The following DPP6 variants were observed in gnomAD, a reference collection of about 807,000 sequenced individuals.
DPP6 encodes dipeptidyl peptidase like 6.
A neutral mutation model predicts 122.6 loss-of-function variants in DPP6; 69 were observed. That is an observed-to-expected ratio of 0.56 (90% CI 0.46 to 0.69). The LOEUF (loss-of-function observed/expected upper bound fraction) is 0.69. Ranked by LOEUF, DPP6 falls within the 30% of genes least tolerant of loss-of-function variation. The pLI is 0.00. For missense variants in DPP6, 928 were observed against 1,116.9 expected (o/e 0.83, Z 2.41); for synonymous variants, 418 against 433.1 (o/e 0.97, Z 0.43).
chr7:154,202,874 A>AT (rs1383514315), intron 1 of DPP6, among the ~76,000 whole-genome samples: 3 of 152,114 alleles, frequency 2.0e-5, no homozygotes, highest in Non-Finnish European at 4.4e-5. Context: ...TAGGCCTTTA[A>AT]TTTTTTTCCA....
intron 1 of DPP6, among the ~76,000 whole-genome samples, chr7:154,193,298 A>T (rs982627211): frequency 1.3e-5 from 2 of 152,222 alleles, no homozygotes; most frequent in Non-Finnish European, 2.9e-5. Context: ...AAAAAACAGC[A>T]TTCTCGTGTG....
intron 1 of DPP6, among the ~76,000 whole-genome samples, chr7:154,391,846 G>A (rs901193775): frequency 1.3e-5 from 2 of 152,136 alleles, no homozygotes; most frequent in African/African-American, 2.4e-5. Context: ...TTTAGGTCTC[G>A]GAGATCAGTG....
intron 1 of DPP6, among the ~76,000 whole-genome samples, chr7:154,288,943 A>G (rs960302175): frequency 4.6e-5 from 7 of 152,246 alleles, no homozygotes; most frequent in Admixed American, 2.6e-4. Flanking sequence ...AGACTCTGCC[A>G]TCCTGAGATT....
At chr7:153,937,157 G>C (rs1801486060) in intron 1 of DPP6, among the ~76,000 whole-genome samples, 1 of 152,124 alleles carries the variant, frequency 6.6e-6, no homozygotes, top group Non-Finnish European at 1.5e-5. Flanking sequence ...AAAGTAGTCT[G>C]GTCTCAAGTT....
chr7:154,892,326 C>T lies in DPP6; in HGVS notation c.2452-8C>T, dbSNP rs1435057992. 11 of 1,613,894 alleles carry T rather than the reference C, an allele frequency of 6.8e-6. No individual in the cohort carries two copies. The highest frequency in any genetic ancestry group is 9.3e-6 in the Non-Finnish European group (11 of 1,179,896). Reference sequence around the variant, plus strand: ...TGGGAGAGTAATTTCTCCGTGCCTTCCTTGCAGATTTACCCGGACGAAAGC... The same window carrying T: ...TGGGAGAGTAATTTCTCCGTGCCTTTCTTGCAGATTTACCCGGACGAAAGC... On this transcript the variant is annotated splice_region_variant and splice_polypyrimidine_tract_variant and intron_variant, in intron 25 of 25. Coordinates refer to ENST00000377770, the MANE Select transcript of DPP6 (RefSeq NM_130797.4).
chr7:154,441,719 C>T (rs945598811), intron 1 of DPP6, among the ~76,000 whole-genome samples: 1 of 152,100 alleles, frequency 6.6e-6, no homozygotes, highest in Non-Finnish European at 1.5e-5. Flanking sequence ...AAGCGGCCTG[C>T]ATTAGGGTCC....
At chr7:154,461,253 T>C (rs1340225866) in intron 2 of DPP6, among the ~76,000 whole-genome samples, 1 of 152,222 alleles carries the variant, frequency 6.6e-6, no homozygotes, top group African/African-American at 2.4e-5. Flanking sequence ...ATATTTTCTT[T>C]ATCCATTCAT....
chr7:153,758,326 T>C, the DPP6 span, among the ~76,000 whole-genome samples: 3 of 152,272 alleles, frequency 2.0e-5, no homozygotes, highest in African/African-American at 7.2e-5. Flanking sequence ...GAAAAAGATA[T>C]TGCAAACACT....
rs540887841 is a variant in DPP6 at position 154,785,185 on chromosome 7, T to C, written c.1137-8894T>C. Among the ~76,000 whole-genome samples, 13 of 152,370 alleles carry C rather than the reference T, an allele frequency of 8.5e-5. No homozygotes were observed. The South Asian group carries it at 2.5e-3, about 29-fold the overall frequency. On this transcript the variant is annotated intron_variant, in intron 10 of 25. Coordinates refer to ENST00000377770, the MANE Select transcript of DPP6 (RefSeq NM_130797.4). ...TTGCTTTTCTTTTTTATCAAAGTAT[T>C]GCATATTAGTGCTTAAAAATAAAAT...
the DPP6 span, among the ~76,000 whole-genome samples, chr7:153,752,270 A>G: frequency 1.6e-5 from 2 of 126,282 alleles, no homozygotes; most frequent in Non-Finnish European, 3.3e-5. Flanking sequence ...TTTTTTTTTG[A>G]GACCGAGTCT....
At chr7:154,064,552 A>C (rs2150496098) in intron 1 of DPP6, among the ~76,000 whole-genome samples, 1 of 152,320 alleles carries the variant, frequency 6.6e-6, no homozygotes, top group East Asian at 1.9e-4. Context: ...GTTCTTTAGA[A>C]CTGAAGACCA....
chr7:154,516,121 T>C (rs886136211), intron 3 of DPP6, among the ~76,000 whole-genome samples: 5 of 152,178 alleles, frequency 3.3e-5, no homozygotes, highest in Admixed American at 6.5e-5. Flanking sequence ...CTTCAAGGTC[T>C]TTCCTGGGGC....
chr7:154,447,741 T>C (rs1820011977), intron 2 of DPP6, among the ~76,000 whole-genome samples: 1 of 152,178 alleles, frequency 6.6e-6, no homozygotes, highest in Non-Finnish European at 1.5e-5. Flanking sequence ...AAATAGGATA[T>C]ATTCCAGGAA....
chr7:153,770,163 A>T, the DPP6 span, among the ~76,000 whole-genome samples: 1 of 152,158 alleles, frequency 6.6e-6, no homozygotes, highest in Non-Finnish European at 1.5e-5. Flanking sequence ...AAAAGTCTTA[A>T]TCTGCCGTGG....
At chr7:153,870,385 C>T in the DPP6 span, among the ~76,000 whole-genome samples, 2 of 152,182 alleles carry the variant, frequency 1.3e-5, no homozygotes, top group Non-Finnish European at 2.9e-5. Context: ...TCTCTTCTCG[C>T]TTCATTTCAT....
In DPP6 at chr7:154,875,804, C is replaced by A; in HGVS notation, c.1884-102C>A. 1 of 1,470,782 alleles carries A rather than the reference C, an allele frequency of 6.8e-7. No individual in the cohort carries two copies. The highest frequency in any genetic ancestry group is 9.1e-7 in the Non-Finnish European group (1 of 1,103,096). The allele number at this position is 1,470,782 out of a possible 1,614,324, so 91.1% of individuals were successfully genotyped here. On this transcript the variant is annotated intron_variant, in intron 19 of 25. Transcript: ENST00000377770. This position sits in a 1 kb window ranked among gnomAD's most constrained non-coding sequence, Gnocchi z 4.5. The stretch of plus-strand genomic sequence containing the variant: ...GGAGTTGAGCGTGTGGCAGCCGGGT[C>A]ACGGGTAAAATCCCTTACGGGGGTC...
intron 5 of DPP6, among the ~76,000 whole-genome samples, chr7:154,625,204 G>C (rs1586759073): frequency 6.6e-6 from 1 of 152,316 alleles, no homozygotes; most frequent in Non-Finnish European, 1.5e-5. Flanking sequence ...ATGGTAAGCA[G>C]CTGATGAAAA....
In DPP6 at chr7:154,547,100, C is replaced by T. The variant is rs1342640998; in HGVS notation, c.552+6474C>T. Among the ~76,000 whole-genome samples, 4 of 152,338 alleles carry T rather than the reference C, an allele frequency of 2.6e-5. No individual in the cohort carries two copies. The East Asian group carries it at 7.7e-4, about 29-fold the overall frequency. ...TGACAGGTGTCATCTCAGCCAGGAACAGGCTGGCCCCCGGGAAGTGGGCTC... is the reference window on the plus strand; with the variant it reads ...TGACAGGTGTCATCTCAGCCAGGAATAGGCTGGCCCCCGGGAAGTGGGCTC... On this transcript the variant is annotated intron_variant, in intron 4 of 25. Transcript: ENST00000377770.
the DPP6 span, among the ~76,000 whole-genome samples, chr7:153,780,346 C>T: frequency 6.6e-6 from 1 of 152,168 alleles, no homozygotes; most frequent in Non-Finnish European, 1.5e-5. Context: ...TTGAGAAAGG[C>T]TTCTCTACTG....
Sources: gnomAD v4.1 joint callset for allele counts (sites outside exome capture counted in the v4.1 genomes callset) on GRCh38, gnomAD v4.1.1 for gene constraint, Gnocchi (gnomAD v3.1) non-coding constraint, MANE v1.5 for transcripts, NCBI Gene and HGNC (gene_info 2026-07-23, HGNC 2026-07-21) for gene names.